Variants in CPXM2 observed in about 807,000 individuals in gnomAD.
CPXM2 encodes carboxypeptidase X, M14 family member 2.
Under a neutral mutation model 86.1 loss-of-function variants are expected in CPXM2, and 66 were observed. The observed-to-expected ratio is 0.77, with a 90% CI of 0.63 to 0.94. The LOEUF is 0.94. CPXM2 is among the 40% of genes least tolerant of loss of function. The pLI, the probability that CPXM2 is intolerant of heterozygous loss-of-function variation, is 0.00. For synonymous variants in CPXM2, 388 were observed against 400.2 expected, an observed-to-expected ratio of 0.97 and a Z score of 0.36; for missense variants, 948 against 1,026.3, an observed-to-expected ratio of 0.92 and a Z score of 1.04.
chr10:123,912,067 C>A (rs563625500), intron 2 of CPXM2, among the ~76,000 whole-genome samples: 116 of 152,148 alleles, frequency 7.6e-4, no homozygotes, highest in African/African-American at 2.5e-3. Flanking sequence ...CTAGACCTCT[C>A]GACTGGGGTT....
intron 2 of CPXM2, among the ~76,000 whole-genome samples, chr10:123,878,304 T>C (rs7095694): frequency 0.025 from 1,163 of 46,924 alleles, 41 homozygotes; most frequent in Middle Eastern, 0.056. Flanking sequence ...CTCTTTTTTT[T>C]TTTTTTTTTT....
At chr10:123,841,171 C>A (rs182100981) in intron 4 of CPXM2, among the ~76,000 whole-genome samples, 90 of 152,258 alleles carry the variant, frequency 5.9e-4, no homozygotes, top group Non-Finnish European at 1.0e-3. Flanking sequence ...TCAGAAAGCA[C>A]CTGAGGTCCT....
At chr10:123,906,898 G>A (rs1945447412) in intron 2 of CPXM2, among the ~76,000 whole-genome samples, 1 of 152,168 alleles carries the variant, frequency 6.6e-6, no homozygotes, top group South Asian at 2.1e-4. Context: ...GTGGATGTCT[G>A]GCTGCCTCCC....
intron 2 of CPXM2, among the ~76,000 whole-genome samples, chr10:123,871,927 C>A (rs565067068): frequency 1.6e-3 from 236 of 152,238 alleles, no homozygotes; most frequent in African/African-American, 4.5e-3. Flanking sequence ...CACATATTCA[C>A]AAATGAGGTT....
intron 4 of CPXM2, among the ~76,000 whole-genome samples, chr10:123,807,969 G>A (rs1847615010): frequency 6.6e-6 from 1 of 152,132 alleles, no homozygotes; most frequent in Non-Finnish European, 1.5e-5. Flanking sequence ...ATAAAGAAAG[G>A]TTTGTGTCAA....
In CPXM2 at chr10:123,767,084, A is replaced by G. The variant is rs749999872; in HGVS notation, c.1368T>C (p.Phe456=). The part of the protein sequence containing the change: ...THDGIDINNN[F]PDLNTLLWEA... The stretch of plus-strand genomic sequence containing the variant: ...CCCAGAGCAGCGTGTTTAAATCAGG[A>G]AAGTTGTTGTTGATGTCAATTCCAT... Residue 456 remains phenylalanine, a synonymous_variant, in exon 10 of 14, where the codon TTT becomes TTC. Transcript: ENST00000241305. The G allele has an allele frequency of 2.2e-5, 36 of 1,614,064 alleles. No individual in the cohort carries two copies. Among genetic ancestry groups the G allele is most frequent in the Non-Finnish European group, 8.5e-7 (1 of 1,180,030 alleles).
At chr10:123,879,734 G>A (rs568294312) in intron 2 of CPXM2, among the ~76,000 whole-genome samples, 1 of 152,272 alleles carries the variant, frequency 6.6e-6, no homozygotes, top group East Asian at 1.9e-4. Flanking sequence ...AACATTCCAA[G>A]GTGAGTAATT....
intron 4 of CPXM2, among the ~76,000 whole-genome samples, chr10:123,800,923 A>G (rs1435726325): frequency 6.6e-6 from 1 of 152,144 alleles, no homozygotes; most frequent in African/African-American, 2.4e-5. Context: ...TCTCTGCGAC[A>G]TCTCAAATTT....
chr10:123,929,989 G>A (rs2134285864), intron 2 of CPXM2, among the ~76,000 whole-genome samples: 1 of 152,260 alleles, frequency 6.6e-6, no homozygotes, highest in South Asian at 2.1e-4. Flanking sequence ...CCCCTCCCAG[G>A]CATCTGCTGT....
At chr10:123,809,828 A>G (rs1001347992) in intron 4 of CPXM2, among the ~76,000 whole-genome samples, 2 of 152,078 alleles carry the variant, frequency 1.3e-5, no homozygotes, top group Non-Finnish European at 2.9e-5. Flanking sequence ...TTTATGCAAA[A>G]TCAGCATAAT....
chr10:123,881,695 C>T (rs905397937), intron 1 of CPXM2, among the ~76,000 whole-genome samples: 5 of 152,140 alleles, frequency 3.3e-5, no homozygotes, highest in Admixed American at 2.6e-4. Flanking sequence ...GTGTGAGCTG[C>T]CTGAAGAGGA....
chr10:123,805,062 C>G (rs897445314), intron 4 of CPXM2, among the ~76,000 whole-genome samples: 5 of 152,082 alleles, frequency 3.3e-5, no homozygotes, highest in African/African-American at 7.2e-5. Flanking sequence ...GGACATCCAT[C>G]TGCTTTCATT....
chr10:123,881,229 T>TCCCCCCCCCCCCCCCCCCCCCCCCCCC (rs1564811040), intron 1 of CPXM2, among the ~76,000 whole-genome samples: 1 of 89,682 alleles, frequency 1.1e-5, no homozygotes, highest in African/African-American at 5.9e-5. Flanking sequence ...TGGAGCACCC[T>TCCCCCCCCCCCCCCCCCCCCCCCCCCC]TCTCTTCCCT....
At chr10:123,796,365 T>C (rs1847335255) in intron 6 of CPXM2, among the ~76,000 whole-genome samples, 1 of 152,176 alleles carries the variant, frequency 6.6e-6, no homozygotes, top group African/African-American at 2.4e-5. Flanking sequence ...CTTCCAACCG[T>C]CTGAGGCAGA....
chr10:123,912,348 AAGT>A (rs1415186011), intron 2 of CPXM2, among the ~76,000 whole-genome samples: 1 of 146,866 alleles, frequency 6.8e-6, no homozygotes, highest in Non-Finnish European at 1.5e-5. Flanking sequence ...GCTCATACCT[AAGT>A]AGCTACCCAC....
intron 1 of CPXM2, among the ~76,000 whole-genome samples, chr10:123,888,238 C>T (rs1945211570): frequency 6.6e-6 from 1 of 152,228 alleles, no homozygotes; most frequent in African/African-American, 2.4e-5. Context: ...ATACATCTTT[C>T]CTTGCACTCA....
rs1945652082 is a variant in CPXM2, at chr10:123,929,833, CA to C, written n.174+9643del. 3.9e-5 allele frequency among the ~76,000 whole-genome samples: 6 copies of C among 152,320 alleles called. No homozygotes were observed. The South Asian group carries it at 1.2e-3, about 32-fold the overall frequency. The stretch of plus-strand genomic sequence containing the variant: ...GCCCCTGCCAGCTCTGGATCCCTGC[CA>C]AAGACCCCATCTGTAATCAGAAAGG... On this transcript the variant is annotated intron_variant and non_coding_transcript_variant, in intron 2 of 19. Coordinates refer to the CPXM2 transcript ENST00000368854.
At chr10:123,751,280 A>T (rs886067133) in intron 13 of CPXM2, among the ~76,000 whole-genome samples, 4 of 152,196 alleles carry the variant, frequency 2.6e-5, no homozygotes, top group Non-Finnish European at 5.9e-5. Context: ...GGTAATTAAC[A>T]TTGTCGACCC....
chr10:123,762,711 T>C (rs1175048210), intron 10 of CPXM2, among the ~76,000 whole-genome samples: 1 of 152,142 alleles, frequency 6.6e-6, no homozygotes, highest in Non-Finnish European at 1.5e-5. Flanking sequence ...CGTTTAAGAA[T>C]GAAATTCAAG....
Sources: gnomAD v4.1 joint callset for allele counts (sites outside exome capture counted in the v4.1 genomes callset) on GRCh38, gnomAD v4.1.1 for gene constraint, MANE v1.5 for transcripts, NCBI Gene and HGNC (gene_info 2026-07-23, HGNC 2026-07-21) for gene names.